LSAMP: variants seen among roughly 807,000 people sequenced by gnomAD.
LSAMP encodes limbic system-associated membrane protein.
A neutral mutation model predicts 38.6 loss-of-function variants in LSAMP; 7 were observed. The ratio of observed to expected loss-of-function variants is 0.18; its 90% CI spans 0.10 to 0.34. LSAMP has a LOEUF of 0.34. Ranked by LOEUF, LSAMP falls within the 10% of genes least tolerant of loss-of-function variation. LSAMP has a pLI of 1.00. For missense variants in LSAMP, 313 were observed against 420.0 expected, an observed-to-expected ratio of 0.75 and a Z score of 2.23; for synonymous variants, 154 against 166.8, an observed-to-expected ratio of 0.92 and a Z score of 0.59.
chr3:115,925,238 G>C (rs1017439191), intron 3 of LSAMP, among the ~76,000 whole-genome samples: 4 of 152,152 alleles, frequency 2.6e-5, no homozygotes, highest in Admixed American at 2.6e-4. Flanking sequence ...AAAGCTTCTT[G>C]TGCTGTGGGA....
At chr3:116,396,280 T>C (rs2048766295) in intron 1 of LSAMP, among the ~76,000 whole-genome samples, 2 of 152,222 alleles carry the variant, frequency 1.3e-5, no homozygotes, top group Non-Finnish European at 2.9e-5. Flanking sequence ...CTTCCATACA[T>C]ACAGTTTTAG....
intron 1 of LSAMP, among the ~76,000 whole-genome samples, chr3:116,431,283 T>C (rs1393249905): frequency 1.3e-5 from 2 of 152,078 alleles, no homozygotes; most frequent in Non-Finnish European, 2.9e-5. Flanking sequence ...GAAGTACAGA[T>C]ACTCAAAGTA....
At chr3:116,041,773 C>A (rs1278226806) in intron 2 of LSAMP, among the ~76,000 whole-genome samples, 1 of 142,890 alleles carries the variant, frequency 7.0e-6, no homozygotes, top group Non-Finnish European at 1.5e-5. Context: ...GTTTTGGGAA[C>A]CACAAAAGTA....
rs139725416 is a variant in LSAMP, at chr3:116,228,778, G to A, written c.156-142222C>T. Among the ~76,000 whole-genome samples the A allele has an allele frequency of 7.9e-5, 12 of 152,136 alleles. No individual in the cohort carries two copies. In the East Asian group the frequency reaches 2.1e-3, roughly 27 times the overall value. On this transcript the variant is annotated intron_variant, in intron 1 of 6. Transcript: ENST00000490035. ...GTGGGTACTATAAGAAAACTAGCCC[G>A]GGCTCTCAAAGGGAGATTAGCATTA...
At chr3:116,271,355 T>C (rs1450198026) in intron 1 of LSAMP, among the ~76,000 whole-genome samples, 1 of 152,074 alleles carries the variant, frequency 6.6e-6, no homozygotes, top group African/African-American at 2.4e-5. Flanking sequence ...CTTGGCACAC[T>C]ATCCCTCAGC....
At chr3:115,813,045 TAC>T (rs774254743) in intron 6 of LSAMP, among the ~76,000 whole-genome samples, 150 of 152,286 alleles carry the variant, frequency 9.8e-4, no homozygotes, top group African/African-American at 2.8e-3. Context: ...GCAAATGATA[TAC>T]ACACATATTA....
rs117405801 is a variant in LSAMP, at chr3:116,022,664, C to T, written c.389-3024G>A. Among the ~76,000 whole-genome samples the T allele has an allele frequency of 2.2e-3, 341 of 152,280 alleles. 14 individuals carry two copies. The East Asian group carries it at 0.058, about 26-fold the overall frequency. ...CACTCTTAAGCTTATCTTGTCCTTT[C>T]CTTAACTATCTGTATTTAAGAGTTT... On this transcript the variant is annotated intron_variant, in intron 2 of 6. Transcript: ENST00000490035.
At chr3:116,111,647 C>A (rs1182465385) in intron 1 of LSAMP, among the ~76,000 whole-genome samples, 1 of 151,622 alleles carries the variant, frequency 6.6e-6, no homozygotes, top group Non-Finnish European at 1.5e-5. Context: ...CATTTTTTGC[C>A]ATAGGTTATG....
At chr3:116,300,261 C>T (rs1343413242) in intron 1 of LSAMP, among the ~76,000 whole-genome samples, 2 of 152,202 alleles carry the variant, frequency 1.3e-5, no homozygotes, top group Admixed American at 1.3e-4. Flanking sequence ...CGTGCTGCAT[C>T]CCCTTGCTTA....
chr3:116,233,710 G>A (rs866468985), intron 1 of LSAMP, among the ~76,000 whole-genome samples: 6 of 150,076 alleles, frequency 4.0e-5, no homozygotes, highest in African/African-American at 9.8e-5. Flanking sequence ...CCCTCTCCCC[G>A]CCACCAAAAA....
intron 1 of LSAMP, among the ~76,000 whole-genome samples, chr3:116,287,462 G>A (rs750865214): frequency 3.9e-5 from 6 of 152,122 alleles, no homozygotes; most frequent in Admixed American, 6.6e-5. Context: ...TTGTGCATTC[G>A]GAAGAGCAGC....
chr3:116,275,051 AAAATAAAT>A (rs151230549), intron 1 of LSAMP, among the ~76,000 whole-genome samples: 5,988 of 151,744 alleles, frequency 0.039, 358 homozygotes, highest in African/African-American at 0.13. Flanking sequence ...AAAGGATTTA[AAAATAAAT>A]AAATAAATAA....
At chr3:116,143,726 A>G (rs1709426774) in intron 1 of LSAMP, among the ~76,000 whole-genome samples, 1 of 151,890 alleles carries the variant, frequency 6.6e-6, no homozygotes, top group Admixed American at 6.6e-5. Flanking sequence ...GCTTTTCAAA[A>G]AAGTAGCTTC....
chr3:116,131,556 G>A (rs1325801447), intron 1 of LSAMP, among the ~76,000 whole-genome samples: 3 of 152,146 alleles, frequency 2.0e-5, no homozygotes, highest in African/African-American at 7.2e-5. Context: ...GCCATCTTCT[G>A]ACCATGTATA....
At chr3:115,911,469 C>T (rs1033737968) in intron 3 of LSAMP, among the ~76,000 whole-genome samples, 1 of 152,250 alleles carries the variant, frequency 6.6e-6, no homozygotes. Flanking sequence ...GTGATCCTCC[C>T]ACCTCCTGAG....
chr3:116,415,600 T>G (rs941684139), intron 1 of LSAMP, among the ~76,000 whole-genome samples: 1 of 152,140 alleles, frequency 6.6e-6, no homozygotes, highest in Admixed American at 6.6e-5. Flanking sequence ...TCGTTTCATC[T>G]TGGAGAGAGC....
At chr3:115,855,141 C>G (rs1012144221) in intron 3 of LSAMP, among the ~76,000 whole-genome samples, 4 of 152,098 alleles carry the variant, frequency 2.6e-5, no homozygotes, top group Non-Finnish European at 5.9e-5. Flanking sequence ...TTATGGGTCC[C>G]TACTTCGCTT....
chr3:115,904,845 A>C (rs935840688), intron 3 of LSAMP, among the ~76,000 whole-genome samples: 1 of 152,142 alleles, frequency 6.6e-6, no homozygotes, highest in Non-Finnish European at 1.5e-5. Flanking sequence ...ATTTTTACTT[A>C]CATGTCCTCT....
chr3:116,137,601 T>G (rs546639396), intron 1 of LSAMP, among the ~76,000 whole-genome samples: 1 of 152,236 alleles, frequency 6.6e-6, no homozygotes, highest in South Asian at 2.1e-4. Context: ...TGCTGAAAAA[T>G]AATCACAAGG....
Sources: gnomAD v4.1 joint callset for allele counts (sites outside exome capture counted in the v4.1 genomes callset) on GRCh38, gnomAD v4.1.1 for gene constraint, MANE v1.5 for transcripts, NCBI Gene and HGNC (gene_info 2026-07-23, HGNC 2026-07-21) for gene names.